Variants in CERS3 observed in about 807,000 individuals in gnomAD.
CERS3 encodes the protein ceramide synthase 3.
A neutral mutation model predicts 50.3 loss-of-function variants in CERS3; 33 were observed. That is an observed-to-expected ratio of 0.66 (90% CI 0.50 to 0.88). The LOEUF (loss-of-function observed/expected upper bound fraction) is 0.88, where lower values mean the gene tolerates loss of function less well. Ranked by LOEUF, CERS3 falls within the 40% of genes least tolerant of loss-of-function variation. The probability of loss-of-function intolerance (pLI) is 0.00; values close to 1 mark genes in which losing one functional copy is unlikely to be tolerated. For synonymous variants in CERS3, 176 were observed against 155.2 expected (o/e 1.13, Z -0.99); for missense variants, 470 against 460.3 (o/e 1.02, Z -0.19).
chr15:100,486,003 G>A (rs2142285165), intron 4 of CERS3, among the ~76,000 whole-genome samples: 1 of 152,288 alleles, frequency 6.6e-6, no homozygotes, highest in Middle Eastern at 3.4e-3. Context: ...GATACAGCAG[G>A]CAGAGAAGCA....
chr15:100,534,307 C>A (rs2037019196), intron 1 of CERS3, among the ~76,000 whole-genome samples: 1 of 152,176 alleles, frequency 6.6e-6, no homozygotes, highest in Non-Finnish European at 1.5e-5. Context: ...CACTTAACCT[C>A]TCAGTCCTCA....
intron 11 of CERS3, among the ~76,000 whole-genome samples, chr15:100,416,657 C>G (rs1380398203): frequency 3.9e-5 from 6 of 152,026 alleles, no homozygotes; most frequent in Non-Finnish European, 7.4e-5. Context: ...AGGAAGAGCC[C>G]CTTATAAAAC....
At chr15:100,480,427 C>T (rs548305695) in intron 5 of CERS3, among the ~76,000 whole-genome samples, 101 of 152,290 alleles carry the variant, frequency 6.6e-4, no homozygotes, top group African/African-American at 2.1e-3. Context: ...CAGGAAGGAA[C>T]CTAATAAGTT....
At chr15:100,524,617 G>C (rs1417000827) in intron 1 of CERS3, among the ~76,000 whole-genome samples, 1 of 152,170 alleles carries the variant, frequency 6.6e-6, no homozygotes, top group Non-Finnish European at 1.5e-5. Flanking sequence ...CTAATCTGCA[G>C]AATTTGACAT....
intron 10 of CERS3, among the ~76,000 whole-genome samples, chr15:100,456,634 GCA>G (rs1269521204): frequency 6.6e-6 from 1 of 152,172 alleles, no homozygotes; most frequent in Non-Finnish European, 1.5e-5. Flanking sequence ...GACCTAAGAT[GCA>G]CAGTGTCTTC....
intron 11 of CERS3, among the ~76,000 whole-genome samples, chr15:100,446,386 A>G: frequency 1.8e-5 from 1 of 55,566 alleles, no homozygotes; most frequent in African/African-American, 5.5e-5. Flanking sequence ...TTTTTTCTTT[A>G]GATTAACCGA....
At chr15:100,448,346 G>C (rs1026884942) in intron 11 of CERS3, among the ~76,000 whole-genome samples, 4 of 152,152 alleles carry the variant, frequency 2.6e-5, no homozygotes, top group South Asian at 4.1e-4. Flanking sequence ...AAAAGGAAAG[G>C]GAAGCCAAGA....
intron 8 of CERS3, among the ~76,000 whole-genome samples, chr15:100,474,147 T>C (rs1288801652): frequency 1.3e-5 from 2 of 151,822 alleles, no homozygotes; most frequent in Non-Finnish European, 2.9e-5. Context: ...AAACGAGGAG[T>C]GACTGCTAAA....
chr15:100,542,824 T>C (rs933172000), intron 1 of CERS3, among the ~76,000 whole-genome samples: 3 of 147,962 alleles, frequency 2.0e-5, no homozygotes, highest in African/African-American at 8.0e-5. Context: ...TATATACACA[T>C]GTATATAACT....
chr15:100,443,766 T>G (rs909501142), intron 11 of CERS3, among the ~76,000 whole-genome samples: 1 of 152,182 alleles, frequency 6.6e-6, no homozygotes. Context: ...CTGCCGATAG[T>G]GTCCGACTGA....
intron 11 of CERS3, among the ~76,000 whole-genome samples, chr15:100,411,825 A>G (rs1324557152): frequency 6.6e-6 from 1 of 151,992 alleles, no homozygotes; most frequent in Non-Finnish European, 1.5e-5. Context: ...GTGGTATCTC[A>G]TTATAGTTTT....
chr15:100,512,692 T>G (rs2036381191), intron 2 of CERS3, among the ~76,000 whole-genome samples: 1 of 152,162 alleles, frequency 6.6e-6, no homozygotes, highest in Non-Finnish European at 1.5e-5. Context: ...CTGGATGCAG[T>G]GTGCCTTGAT....
At chr15:100,539,956 C>G (rs774426620) in intron 1 of CERS3, among the ~76,000 whole-genome samples, 1 of 152,138 alleles carries the variant, frequency 6.6e-6, no homozygotes. Flanking sequence ...CTTGCTATTA[C>G]CAAGTAATCT....
chr15:100,442,732 C>T (rs1181475773), intron 11 of CERS3, among the ~76,000 whole-genome samples: 1 of 152,334 alleles, frequency 6.6e-6, no homozygotes, highest in Admixed American at 6.5e-5. Context: ...CTGACTCCTT[C>T]CCAGATCTTC....
At position 100,401,228 on chromosome 15, in the gene CERS3, G is replaced by GT. The variant is rs1280819464; in HGVS notation, c.*1484dup. On this transcript the variant is annotated 3_prime_UTR_variant, in exon 12 of 12. Coordinates refer to ENST00000679737, the MANE Select transcript of CERS3 (RefSeq NM_001378789.1). ...TAGGATGAACATACAAAATCTGACC[G>GT]TTATGAGAGACTGTGCCAGGTGGTG... 6.6e-6 allele frequency: 1 copy of GT among 152,112 alleles called. No homozygotes were observed. Among genetic ancestry groups the GT allele is most frequent in the African/African-American group, 2.4e-5 (1 of 41,414 alleles). The allele number at this position is 152,112 out of a possible 1,614,324, so 9.4% of individuals were successfully genotyped here. A position where few individuals can be genotyped will look rare whatever the true frequency, so the allele number is the denominator to read the frequency against.
At chr15:100,447,897 A>G (rs1282607240) in intron 11 of CERS3, among the ~76,000 whole-genome samples, 2 of 152,238 alleles carry the variant, frequency 1.3e-5, no homozygotes, top group Non-Finnish European at 2.9e-5. Context: ...ATTAAAGCAC[A>G]GAACCTAATT....
chr15:100,421,406 A>G (rs2032415063), intron 11 of CERS3, among the ~76,000 whole-genome samples: 1 of 152,110 alleles, frequency 6.6e-6, no homozygotes, highest in East Asian at 1.9e-4. Context: ...AAGGAGAACT[A>G]CAAACCACTG....
intron 3 of CERS3, among the ~76,000 whole-genome samples, chr15:100,491,986 G>A (rs770149709): frequency 5.9e-5 from 9 of 151,674 alleles, no homozygotes; most frequent in Non-Finnish European, 1.2e-4. Flanking sequence ...TCAGCCACCC[G>A]AAGTGTTGGG....
At chr15:100,490,524 A>C (rs970870860) in intron 4 of CERS3, among the ~76,000 whole-genome samples, 1 of 152,202 alleles carries the variant, frequency 6.6e-6, no homozygotes, top group Non-Finnish European at 1.5e-5. Flanking sequence ...TTGACCATTA[A>C]AAATTAAATG....
Sources: gnomAD v4.1 joint callset for allele counts (sites outside exome capture counted in the v4.1 genomes callset) on GRCh38, gnomAD v4.1.1 for gene constraint, MANE v1.5 for transcripts, NCBI Gene and HGNC (gene_info 2026-07-23, HGNC 2026-07-21) for gene names.